GARNL3: variants seen among roughly 807,000 people sequenced by gnomAD.
GARNL3 encodes the protein GTPase-activating Rap/Ran-GAP domain-like protein 3.
Under a neutral mutation model 125.0 loss-of-function variants are expected in GARNL3, and 63 were observed. That is an observed-to-expected ratio of 0.50 (90% CI 0.41 to 0.62). The LOEUF is 0.62. GARNL3 is among the 20% of genes least tolerant of loss of function. The probability of loss-of-function intolerance (pLI) is 0.00; values close to 1 mark genes in which losing one functional copy is unlikely to be tolerated. For synonymous variants in GARNL3, 439 were observed against 457.5 expected (o/e 0.96, Z 0.52); for missense variants, 994 against 1,244.0 (o/e 0.80, Z 3.02).
At chr9:127,278,925 CCT>C (rs777897385) in intron 1 of GARNL3, among the ~76,000 whole-genome samples, 7 of 152,134 alleles carry the variant, frequency 4.6e-5, no homozygotes, top group Non-Finnish European at 1.0e-4. Context: ...TCTGAATCAC[CCT>C]CTCTTTTTCT....
intron 15 of GARNL3, 93 bp downstream of exon 15, chr9:127,344,432 C>A: frequency 1.2e-6 from 1 of 823,978 alleles, no homozygotes; most frequent in Non-Finnish European, 2.1e-6. Flanking sequence ...TGTTTGCCTG[C>A]TGCTGTAGGA....
rs1309974910 is a variant in GARNL3, at chr9:127,280,915, G to A, written c.145-10253G>A. 1.3e-5 allele frequency among the ~76,000 whole-genome samples: 2 copies of A among 152,190 alleles called. No individual in the cohort carries two copies. Among genetic ancestry groups the A allele is most frequent in the Non-Finnish European group, 2.9e-5 (2 of 68,032 alleles). Reference sequence around the variant, plus strand: ...GATAAGGTGGAGGATGTGATGGGAAGTACAAAAATAATGGCTCAGAAGATT... The same window carrying A: ...GATAAGGTGGAGGATGTGATGGGAAATACAAAAATAATGGCTCAGAAGATT... On this transcript the variant is annotated intron_variant, in intron 1 of 27. Transcript: ENST00000373387. This position sits in a 1 kb window ranked among gnomAD's most constrained non-coding sequence, Gnocchi z 4.5.
At chr9:127,261,959 T>C (rs1430076951), upstream of GARNL3, among the ~76,000 whole-genome samples, 3 of 152,212 alleles carry the variant, frequency 2.0e-5, no homozygotes, top group Non-Finnish European at 4.4e-5. Context: ...AGTGCTCAAC[T>C]TCACTCTGAT....
intron 1 of GARNL3, among the ~76,000 whole-genome samples, chr9:127,226,921 A>T (rs888842814): frequency 2.0e-5 from 3 of 152,232 alleles, no homozygotes; most frequent in Admixed American, 2.0e-4. Context: ...AGTGGAATGC[A>T]TGGAGCAGCG....
intron 2 of GARNL3, among the ~76,000 whole-genome samples, chr9:127,296,681 G>A (rs2064604032): frequency 6.6e-6 from 1 of 151,916 alleles, no homozygotes; most frequent in Admixed American, 6.6e-5. Context: ...ATGTTGGCCA[G>A]GCTGGTCTCG....
Position 127,385,199 on chromosome 9 carries a change from G to A in GARNL3, c.2388+54G>A, listed in dbSNP as rs1183419500. The A allele has an allele frequency of 1.8e-6, 2 of 1,119,690 alleles. No individual in the cohort carries two copies. Among genetic ancestry groups the A allele is most frequent in the Non-Finnish European group, 1.3e-6 (1 of 774,006 alleles). The allele number at this position is 1,119,690 out of a possible 1,614,324, so 69.4% of individuals were successfully genotyped here. On this transcript the variant is annotated intron_variant, in intron 24 of 27. Coordinates refer to ENST00000373387, the MANE Select transcript of GARNL3 (RefSeq NM_032293.5). The surrounding 1 kb of genome is among the most constrained non-coding windows in gnomAD (Gnocchi z 4.1). Reference sequence around the variant, plus strand: ...GTGGTTTGGGGGACCCCGGCACTGTGGGATTTCAGGTGAGCACAGAAGCCG... The same window carrying A: ...GTGGTTTGGGGGACCCCGGCACTGTAGGATTTCAGGTGAGCACAGAAGCCG...
chr9:127,264,090 A>T (rs115237370), upstream of GARNL3: 917 of 826,284 alleles, frequency 1.1e-3, 11 homozygotes, highest in African/African-American at 0.014. Context: ...TTTCTATGTT[A>T]TCGTAGAGTT....
intron 22 of GARNL3, among the ~76,000 whole-genome samples, chr9:127,367,623 CAAAGAA>C (rs1831355459): frequency 1.3e-5 from 2 of 152,020 alleles, no homozygotes; most frequent in Admixed American, 6.6e-5. Context: ...TTTAAAAAGA[CAAAGAA>C]AAAGAAAACT....
chr9:127,256,118 G>T (rs991265330), intron 2 of GARNL3, among the ~76,000 whole-genome samples: 1 of 152,104 alleles, frequency 6.6e-6, no homozygotes, highest in Non-Finnish European at 1.5e-5. Flanking sequence ...ATACAATTTG[G>T]TCATGCATTT....
At chr9:127,290,176 G>GCAAAAGA (rs1427941787) in intron 1 of GARNL3, among the ~76,000 whole-genome samples, 1 of 152,136 alleles carries the variant, frequency 6.6e-6, no homozygotes, top group African/African-American at 2.4e-5. Flanking sequence ...AAGAATGCAT[G>GCAAAAGA]GCATTCAACA....
At chr9:127,390,819 C>CGG (rs747914783) in intron 27 of GARNL3, 52 bp downstream of exon 27, 1 of 1,580,432 alleles carries the variant, frequency 6.3e-7, no homozygotes, top group Non-Finnish European at 8.6e-7. Context: ...TGAGTCACAG[C>CGG]ACTGCCCAGG....
At chr9:127,363,354 G>A (rs1024882298) in intron 21 of GARNL3, 6 of 152,250 alleles carry the variant, frequency 3.9e-5, no homozygotes, top group Admixed American at 3.3e-4. Flanking sequence ...ATGTACTTAT[G>A]TGCTTTTCTG....
intron 2 of GARNL3, among the ~76,000 whole-genome samples, chr9:127,254,721 A>G (rs1272579868): frequency 4.0e-5 from 6 of 151,554 alleles, no homozygotes; most frequent in Non-Finnish European, 7.4e-5. Context: ...ATGAGCCAAG[A>G]TCGTGCCACT....
chr9:127,368,572 C>T lies in GARNL3; in HGVS notation c.2161+3206C>T, dbSNP rs950963514. Among the ~76,000 whole-genome samples the T allele has an allele frequency of 5.4e-5, 8 of 147,662 alleles. 1 individual carries two copies. The South Asian group carries it at 9.4e-4, about 17-fold the overall frequency. ...TCTCGAACTCCTGACCTCAGGTGAT[C>T]CACCTGCCTCAGCCTCCCAAAGTGC... On this transcript the variant is annotated intron_variant, in intron 22 of 27. Coordinates refer to ENST00000373387, the MANE Select transcript of GARNL3 (RefSeq NM_032293.5).
chr9:127,350,007 G>A (rs1350274283), intron 17 of GARNL3, among the ~76,000 whole-genome samples: 1 of 152,118 alleles, frequency 6.6e-6, no homozygotes, highest in African/African-American at 2.4e-5. Context: ...GCTGTGTGCC[G>A]GGGCCCCACG....
In GARNL3 at chr9:127,242,934, G is replaced by A; in HGVS notation, c.-28-145G>A. ...TAAGGTCATATGCGGTCTTGGTGGGGCCCCTGGGTCTTGAGGGTGCTTCAG... is the reference window on the plus strand; with the variant it reads ...TAAGGTCATATGCGGTCTTGGTGGGACCCCTGGGTCTTGAGGGTGCTTCAG... On this transcript the variant is annotated intron_variant, in intron 1 of 10. Coordinates refer to the GARNL3 transcript ENST00000439286. This position sits in a 1 kb window ranked among gnomAD's most constrained non-coding sequence, Gnocchi z 4.6. The A allele has an allele frequency of 1.8e-6, 1 of 546,808 alleles. No individual in the cohort carries two copies. Among genetic ancestry groups the A allele is most frequent in the South Asian group, 2.0e-5 (1 of 51,256 alleles). The allele number at this position is 546,808 out of a possible 1,614,324, so 33.9% of individuals were successfully genotyped here. A position where few individuals can be genotyped will look rare whatever the true frequency, so the allele number is the denominator to read the frequency against.
chr9:127,316,039 T>C (rs2065232325), intron 4 of GARNL3, among the ~76,000 whole-genome samples: 1 of 152,176 alleles, frequency 6.6e-6, no homozygotes, highest in Non-Finnish European at 1.5e-5. Context: ...CCATTTTACT[T>C]AAACATTGAC....
rs144269969 is a variant in GARNL3 at position 127,357,270 on chromosome 9, G to A, written c.1987G>A (p.Ala663Thr). ...PMVMTLVDGP[A>T]EESDNLICVA... is the part of the protein sequence containing the mutation. ...GGTGATGACCTTAGTGGATGGGCCA[G>A]CTGAAGAGAGTGACAATCTCATCTG... Residue 663 changes from alanine to threonine, a missense_variant, in exon 21 of 28, where the codon GCT becomes ACT. Ala to Thr is a moderately conservative substitution (Grantham distance 58, BLOSUM62 0). Coordinates refer to ENST00000373387, the MANE Select transcript of GARNL3 (RefSeq NM_032293.5). 1,472 of 1,614,094 alleles carry A rather than the reference G, an allele frequency of 9.1e-4. 2 individuals carry two copies. The highest frequency in any genetic ancestry group is 1.2e-3 in the Non-Finnish European group (1,372 of 1,180,030).
chr9:127,345,490 T>A lies in GARNL3; in HGVS notation c.1431+13T>A. On this transcript the variant is annotated intron_variant, in intron 16 of 27. Transcript: ENST00000373387. ...CTGTAAAAAAGAGGTGAGTTCATGA[T>A]ACTTTCAATTTGAACTTTGAATTCC... 6.6e-7 allele frequency: 1 copy of A among 1,516,710 alleles called. No individual in the cohort carries two copies. The allele number at this position is 1,516,710 out of a possible 1,614,324, so 94.0% of individuals were successfully genotyped here.
Sources: gnomAD v4.1 joint callset for allele counts (sites outside exome capture counted in the v4.1 genomes callset) on GRCh38, gnomAD v4.1.1 for gene constraint, Gnocchi (gnomAD v3.1) non-coding constraint, MANE v1.5 for transcripts, NCBI Gene and HGNC (gene_info 2026-07-23, HGNC 2026-07-21) for gene names.